The following ARHGAP42 variants were observed in gnomAD, a reference collection of about 807,000 sequenced individuals.
ARHGAP42 encodes Rho GTPase activating protein 42.
In ARHGAP42, 63 loss-of-function variants were observed where a neutral mutation model predicts 125.0. The ratio of observed to expected loss-of-function variants is 0.50; its 90% CI spans 0.41 to 0.62. The LOEUF (loss-of-function observed/expected upper bound fraction) is 0.62. Ranked by LOEUF, ARHGAP42 falls within the 20% of genes least tolerant of loss-of-function variation. The probability of loss-of-function intolerance (pLI) is 0.00; values close to 1 mark genes in which losing one functional copy is unlikely to be tolerated. For missense variants in ARHGAP42, 766 were observed against 1,024.2 expected (o/e 0.75, Z 3.44); for synonymous variants, 339 against 351.0 (o/e 0.97, Z 0.38).
chr11:100,876,547 T>A (rs527502269), intron 4 of ARHGAP42, among the ~76,000 whole-genome samples: 1 of 152,368 alleles, frequency 6.6e-6, no homozygotes, highest in South Asian at 2.1e-4. Context: ...TTTGTCTGTA[T>A]GCACTGCTTT....
At chr11:100,825,783 A>C (rs1286342626) in intron 3 of ARHGAP42, among the ~76,000 whole-genome samples, 2 of 152,150 alleles carry the variant, frequency 1.3e-5, no homozygotes, top group East Asian at 3.8e-4. Flanking sequence ...TTGTGTGGGC[A>C]TGTACCCACA....
At chr11:100,794,668 T>G (rs988432384) in intron 2 of ARHGAP42, among the ~76,000 whole-genome samples, 1 of 152,226 alleles carries the variant, frequency 6.6e-6, no homozygotes, top group Admixed American at 6.5e-5. Flanking sequence ...AATTTTGCAT[T>G]ACTGGCTGCT....
chr11:100,857,283 A>G (rs1865343550), intron 3 of ARHGAP42, among the ~76,000 whole-genome samples: 1 of 152,156 alleles, frequency 6.6e-6, no homozygotes, highest in African/African-American at 2.4e-5. Context: ...AGAAATGTGG[A>G]AGAAATAGAG....
intron 4 of ARHGAP42, among the ~76,000 whole-genome samples, chr11:100,912,624 A>G (rs1041980134): frequency 1.3e-5 from 2 of 152,172 alleles, no homozygotes; most frequent in Admixed American, 1.3e-4. Context: ...GGTGGATACA[A>G]CATTTATAGT....
chr11:100,699,444 AT>A (rs1309134833), intron 1 of ARHGAP42, among the ~76,000 whole-genome samples: 1 of 123,498 alleles, frequency 8.1e-6, no homozygotes, highest in Non-Finnish European at 1.6e-5. Context: ...GAGATTAATG[AT>A]TTTTTTCTTA....
At chr11:100,714,045 C>G (rs1035641587) in intron 1 of ARHGAP42, among the ~76,000 whole-genome samples, 12 of 152,128 alleles carry the variant, frequency 7.9e-5, no homozygotes, top group African/African-American at 2.9e-4. Context: ...TCTGGCCACT[C>G]TGAATAGGTA....
intron 4 of ARHGAP42, among the ~76,000 whole-genome samples, chr11:100,863,272 C>T (rs757258743): frequency 6.6e-6 from 1 of 152,108 alleles, no homozygotes; most frequent in Non-Finnish European, 1.5e-5. Flanking sequence ...TCAGCCTTTG[C>T]CTTGGAGATT....
At chr11:100,855,105 T>A (rs1382464625) in intron 3 of ARHGAP42, among the ~76,000 whole-genome samples, 2 of 152,142 alleles carry the variant, frequency 1.3e-5, no homozygotes, top group Non-Finnish European at 2.9e-5. Context: ...TTGTAAATAG[T>A]GTAGCGTATT....
chr11:100,849,295 A>C (rs573637364), intron 3 of ARHGAP42, among the ~76,000 whole-genome samples: 1 of 152,304 alleles, frequency 6.6e-6, no homozygotes, highest in South Asian at 2.1e-4. Flanking sequence ...TGGGTAAGAA[A>C]GGCTTTTGAC....
intron 4 of ARHGAP42, among the ~76,000 whole-genome samples, chr11:100,912,365 A>C (rs188925328): frequency 6.6e-6 from 1 of 152,248 alleles, no homozygotes; most frequent in African/African-American, 2.4e-5. Flanking sequence ...AATGAAGCAA[A>C]GCATTATGTG....
At position 100,883,561 on chromosome 11, in the gene ARHGAP42, G is replaced by A. The variant is rs528676582; in HGVS notation, c.384+23936G>A. On this transcript the variant is annotated intron_variant, in intron 4 of 23. Transcript: ENST00000298815. Reference sequence around the variant, plus strand: ...CTTCACCATTTTGGCCAGGCTGATCGTGATCTCTTGACCTCCAGTGATCCA... The same window carrying A: ...CTTCACCATTTTGGCCAGGCTGATCATGATCTCTTGACCTCCAGTGATCCA... Among the ~76,000 whole-genome samples, 74 of 152,060 alleles carry A rather than the reference G, an allele frequency of 4.9e-4. 1 individual carries two copies. The highest frequency in any genetic ancestry group is 1.6e-3 in the East Asian group (8 of 5,152).
intron 1 of ARHGAP42, among the ~76,000 whole-genome samples, chr11:100,754,164 G>A (rs1257079702): frequency 6.6e-6 from 1 of 152,090 alleles, no homozygotes. Context: ...TATGGGAGAT[G>A]TTAAAAAAAA....
At chr11:100,875,996 A>G (rs989148419) in intron 4 of ARHGAP42, among the ~76,000 whole-genome samples, 1 of 150,712 alleles carries the variant, frequency 6.6e-6, no homozygotes, top group African/African-American at 2.4e-5. Flanking sequence ...CCCACAAAAT[A>G]TAAAATGCTT....
chr11:100,745,818 G>A (rs989410638), intron 1 of ARHGAP42, among the ~76,000 whole-genome samples: 3 of 152,072 alleles, frequency 2.0e-5, no homozygotes, highest in Non-Finnish European at 2.9e-5. Flanking sequence ...TTAATAGATC[G>A]CTTTTGGTTG....
intron 11 of ARHGAP42, among the ~76,000 whole-genome samples, chr11:100,949,052 G>A (rs767141818): frequency 2.6e-5 from 4 of 152,068 alleles, no homozygotes; most frequent in Admixed American, 2.0e-4. Flanking sequence ...ACAAAAAATA[G>A]GAAGGCTTAC....
chr11:100,735,186 A>AT (rs901792245), intron 1 of ARHGAP42, among the ~76,000 whole-genome samples: 17 of 152,138 alleles, frequency 1.1e-4, no homozygotes, highest in Non-Finnish European at 2.1e-4. Context: ...TCTTGCTCTG[A>AT]TTTTTTCCAG....
At chr11:100,864,683 G>A (rs1865525240) in intron 4 of ARHGAP42, among the ~76,000 whole-genome samples, 1 of 152,168 alleles carries the variant, frequency 6.6e-6, no homozygotes, top group Non-Finnish European at 1.5e-5. Context: ...TCAGAACTCA[G>A]TTCCTCAGAC....
chr11:100,806,837 G>GTTTGTTTGTTTATTTA (rs1170787108), intron 3 of ARHGAP42, among the ~76,000 whole-genome samples: 4 of 149,342 alleles, frequency 2.7e-5, no homozygotes, highest in African/African-American at 9.9e-5. Flanking sequence ...TTGTTTGTTT[G>GTTTGTTTGTTTATTTA]TTTATTTATT....
intron 1 of ARHGAP42, among the ~76,000 whole-genome samples, chr11:100,759,752 A>G (rs891274898): frequency 1.3e-5 from 2 of 152,302 alleles, no homozygotes; most frequent in Admixed American, 6.5e-5. Flanking sequence ...AGGAAATATC[A>G]GGTACAAGCT....
Sources: allele counts gnomAD v4.1 joint callset (sites outside exome capture counted in the v4.1 genomes callset), GRCh38; gene constraint gnomAD v4.1.1; transcripts MANE v1.5; gene names NCBI Gene and HGNC (gene_info 2026-07-23, HGNC 2026-07-21).